Variants in TBC1D22A observed in about 807,000 individuals in gnomAD.
TBC1D22A encodes the protein putative GTPase activator.
TBC1D22A carries 38 observed loss-of-function variants against 60.2 expected under a neutral mutation model. The observed-to-expected ratio is 0.63, with a 90% confidence interval of 0.49 to 0.83. TBC1D22A has a LOEUF of 0.83. TBC1D22A is among the 40% of genes least tolerant of loss of function. The probability of loss-of-function intolerance (pLI) is 0.00; values close to 1 mark genes in which losing one functional copy is unlikely to be tolerated. For missense variants in TBC1D22A, 628 were observed against 701.0 expected (o/e 0.90, Z 1.18); for synonymous variants, 302 against 281.7 (o/e 1.07, Z -0.72).
chr22:46,924,393 C>G (rs2070927890), intron 8 of TBC1D22A, among the ~76,000 whole-genome samples: 1 of 152,178 alleles, frequency 6.6e-6, no homozygotes, highest in Non-Finnish European at 1.5e-5. Context: ...GTCATTTTCT[C>G]TTAAATTACT....
At chr22:46,832,126 G>A (rs2086335854) in intron 4 of TBC1D22A, among the ~76,000 whole-genome samples, 1 of 152,196 alleles carries the variant, frequency 6.6e-6, no homozygotes, top group African/African-American at 2.4e-5. Context: ...GGCTGGGTTT[G>A]GGCAGGATGT....
chr22:47,089,413 G>T (rs571711843), intron 11 of TBC1D22A, among the ~76,000 whole-genome samples: 1 of 152,362 alleles, frequency 6.6e-6, no homozygotes, highest in East Asian at 1.9e-4. Context: ...AGTGATGGAT[G>T]CAGGGCTGTC....
intron 12 of TBC1D22A, among the ~76,000 whole-genome samples, chr22:47,161,588 G>A (rs946804806): frequency 1.3e-5 from 2 of 152,210 alleles, no homozygotes; most frequent in African/African-American, 2.4e-5. Flanking sequence ...ATGATTCAGG[G>A]ACAACCACCT....
At chr22:47,055,143 A>C (rs1332945632) in intron 11 of TBC1D22A, among the ~76,000 whole-genome samples, 1 of 152,038 alleles carries the variant, frequency 6.6e-6, no homozygotes, top group Admixed American at 6.5e-5. Flanking sequence ...GTTGGGGTCT[A>C]CCCCAAAGCC....
rs1161146143 is a variant in TBC1D22A at position 46,833,530 on chromosome 22, C to T, written c.637+35910C>T. Among the ~76,000 whole-genome samples, 3 of 152,200 alleles carry T rather than the reference C, an allele frequency of 2.0e-5. No individual in the cohort carries two copies. The South Asian group carries it at 6.2e-4, about 31-fold the overall frequency. ...GCCTTGCCTGAAGGGCTTTGTGCTA[C>T]TGTCCCTGTCCTTAAGGTCTTCATG... On this transcript the variant is annotated intron_variant, in intron 4 of 12. Coordinates refer to ENST00000337137, the MANE Select transcript of TBC1D22A (RefSeq NM_014346.5).
chr22:46,773,373 C>T (rs8142916), intron 1 of TBC1D22A, among the ~76,000 whole-genome samples: 75,796 of 152,074 alleles, frequency 0.5, 19,349 homozygotes, highest in Middle Eastern at 0.65. Context: ...AGCAGGTGTT[C>T]CCTGCAGCGC....
chr22:46,802,065 T>A (rs1012172498), intron 4 of TBC1D22A, among the ~76,000 whole-genome samples: 1 of 152,212 alleles, frequency 6.6e-6, no homozygotes, highest in Non-Finnish European at 1.5e-5. Context: ...TCCTTACTCA[T>A]GAAGTGGCTC....
At chr22:46,897,615 G>GT (rs370313813) in intron 7 of TBC1D22A, among the ~76,000 whole-genome samples, 41 of 123,580 alleles carry the variant, frequency 3.3e-4, no homozygotes, top group Middle Eastern at 4.2e-3. Context: ...ATGGAAAGTT[G>GT]TTTTTTTTTG....
intron 9 of TBC1D22A, among the ~76,000 whole-genome samples, chr22:46,983,384 G>T (rs1343415913): frequency 1.3e-5 from 2 of 152,266 alleles, no homozygotes; most frequent in Non-Finnish European, 2.9e-5. Flanking sequence ...TTCCTGAGTT[G>T]TGTGGTAGCT....
intron 12 of TBC1D22A, among the ~76,000 whole-genome samples, chr22:47,127,394 ATTT>A (rs11387235): frequency 1.4e-4 from 17 of 122,490 alleles, no homozygotes; most frequent in African/African-American, 5.0e-4. Context: ...CGCCCAGCTG[ATTT>A]TTTTTTTTTT....
At chr22:47,068,105 G>C (rs565128992) in intron 11 of TBC1D22A, among the ~76,000 whole-genome samples, 1 of 152,226 alleles carries the variant, frequency 6.6e-6, no homozygotes, top group East Asian at 1.9e-4. Context: ...GTCTGGCCAC[G>C]GGCAGTGTCT....
intron 11 of TBC1D22A, among the ~76,000 whole-genome samples, chr22:47,053,675 G>A (rs1046108985): frequency 6.6e-5 from 10 of 152,228 alleles, no homozygotes; most frequent in African/African-American, 2.4e-4. Context: ...ACATATTGTC[G>A]GGCTCATCTT....
chr22:46,993,285 G>T (rs562200012), intron 9 of TBC1D22A, among the ~76,000 whole-genome samples: 144 of 152,296 alleles, frequency 9.5e-4, no homozygotes, highest in African/African-American at 3.2e-3. Context: ...CAAGCTGAGC[G>T]TATTTTTAAA....
intron 1 of TBC1D22A, among the ~76,000 whole-genome samples, chr22:46,784,702 A>C (rs910117790): frequency 4.1e-4 from 62 of 152,244 alleles, no homozygotes; most frequent in African/African-American, 1.4e-3. Context: ...GCCAAGAAGC[A>C]TGCTGGTTTT....
At chr22:47,062,134 G>T (rs760651027) in intron 11 of TBC1D22A, among the ~76,000 whole-genome samples, 49 of 143,782 alleles carry the variant, frequency 3.4e-4, no homozygotes, top group Non-Finnish European at 6.2e-4. Context: ...TCAGTCCTCC[G>T]CCCCCTTTGT....
chr22:47,034,478 A>AGGT (rs56368109), intron 10 of TBC1D22A, among the ~76,000 whole-genome samples: 72 of 151,152 alleles, frequency 4.8e-4, no homozygotes, highest in Non-Finnish European at 8.1e-4. Context: ...CGTGGTGATG[A>AGGT]TGAAGAGGAG....
chr22:47,007,115 C>T (rs923687496), intron 10 of TBC1D22A, among the ~76,000 whole-genome samples: 1 of 152,176 alleles, frequency 6.6e-6, no homozygotes, highest in African/African-American at 2.4e-5. Flanking sequence ...AAGGCGCTAT[C>T]AGAATCCCAG....
At position 46,917,355 on chromosome 22, in the gene TBC1D22A, G is replaced by A. The variant is rs117723573; in HGVS notation, c.1015+5167G>A. Among the ~76,000 whole-genome samples the A allele has an allele frequency of 7.6e-4, 115 of 152,284 alleles. No homozygotes were observed. In the East Asian group the frequency reaches 0.02, roughly 27 times the overall value. The stretch of plus-strand genomic sequence containing the variant: ...CAGGCCCAGACCAGAGGCCGGTGGA[G>A]GCAGGAGACTCGCTGACGGAGGACT... On this transcript the variant is annotated intron_variant, in intron 8 of 12. Coordinates refer to ENST00000337137, the MANE Select transcript of TBC1D22A (RefSeq NM_014346.5).
intron 10 of TBC1D22A, among the ~76,000 whole-genome samples, chr22:46,999,472 T>C (rs1602909028): frequency 1.3e-5 from 2 of 152,174 alleles, no homozygotes; most frequent in South Asian, 4.1e-4. Context: ...CATGGCCTCA[T>C]AATAAGAATA....
Sources: allele counts gnomAD v4.1 joint callset (sites outside exome capture counted in the v4.1 genomes callset), GRCh38; gene constraint gnomAD v4.1.1; transcripts MANE v1.5; gene names NCBI Gene and HGNC (gene_info 2026-07-23, HGNC 2026-07-21).